COL4A1: variants seen among roughly 807,000 people sequenced by gnomAD.
The protein encoded by COL4A1 is collagen type IV alpha 1 chain.
COL4A1 carries 40 observed loss-of-function variants against 216.6 expected under a neutral mutation model. That is an observed-to-expected ratio of 0.18 (90% CI 0.14 to 0.24). The LOEUF is 0.24. Among genes scored for constraint, COL4A1 ranks in the 10% least tolerant of loss-of-function variants. The pLI, the probability that COL4A1 is intolerant of heterozygous loss-of-function variation, is 1.00. For missense variants in COL4A1, 1,628 were observed against 2,196.8 expected (o/e 0.74, Z 5.18); for synonymous variants, 839 against 810.7 (o/e 1.03, Z -0.59).
chr13:110,281,788 C>A (rs923556107), intron 1 of COL4A1, among the ~76,000 whole-genome samples: 2 of 152,188 alleles, frequency 1.3e-5, no homozygotes, highest in Non-Finnish European at 2.9e-5. Flanking sequence ...AACATCAATT[C>A]CCCTCTCACA....
chr13:110,150,143 T>C lies in COL4A1; in HGVS notation c.*220A>G, dbSNP rs1876430261. On this transcript the variant is annotated 3_prime_UTR_variant, in exon 52 of 52. Coordinates refer to ENST00000375820, the MANE Select transcript of COL4A1 (RefSeq NM_001845.6). ...ATATTTTATTTCATCAAAAGTGCCA[T>C]TTGGTATGCCACTATTGAAAGCTTA... is the stretch of plus-strand genomic sequence containing the variant. The C allele has an allele frequency of 1.7e-6, 1 of 596,748 alleles. No individual in the cohort carries two copies. The highest frequency in any genetic ancestry group is 1.9e-5 in the African/African-American group (1 of 54,020). 37.0% of individuals were successfully genotyped at this position (596,748 alleles called of 1,614,324 possible).
Position 110,274,113 on chromosome 13 carries a change from G to A in COL4A1, c.85-31379C>T, listed in dbSNP as rs148588002. Among the ~76,000 whole-genome samples, 33 of 152,072 alleles carry A rather than the reference G, an allele frequency of 2.2e-4. No individual in the cohort carries two copies. In the East Asian group the frequency reaches 6.4e-3, roughly 29 times the overall value. Reference sequence around the variant, plus strand: ...AAGATAAAATGTGCTAAGTACTAGGGGTAAACAGGGGCAAATATTAAGGCC... The same window carrying A: ...AAGATAAAATGTGCTAAGTACTAGGAGTAAACAGGGGCAAATATTAAGGCC... On this transcript the variant is annotated intron_variant, in intron 1 of 51. Transcript: ENST00000375820.
chr13:110,250,297 C>T (rs1014048084), intron 1 of COL4A1, among the ~76,000 whole-genome samples: 3 of 151,658 alleles, frequency 2.0e-5, no homozygotes, highest in East Asian at 1.9e-4. Context: ...AAGATTTGTA[C>T]ATGTGAGGTA....
rs201606177 is a variant in COL4A1, at chr13:110,192,285, C to G, written c.1466-1G>C. 25 of 1,614,030 alleles carry G rather than the reference C, an allele frequency of 1.5e-5. No homozygotes were observed. The highest frequency in any genetic ancestry group is 1.9e-5 in the Non-Finnish European group (22 of 1,180,022). On this transcript the variant is annotated splice_acceptor_variant, in intron 23 of 51. Transcript: ENST00000375820. LOFTEE classifies it high-confidence loss of function. Reference sequence around the variant, plus strand: ...TTGGCCCCTGGCTGCCCTGGGAAACCTTTCGTGAGAGAGAGGGAAAAAGAC... The same window carrying G: ...TTGGCCCCTGGCTGCCCTGGGAAACGTTTCGTGAGAGAGAGGGAAAAAGAC...
At chr13:110,152,291 C>T (rs993946366) in intron 51 of COL4A1, 43 bp downstream of exon 51, 2 of 1,612,004 alleles carry the variant, frequency 1.2e-6, no homozygotes, top group Admixed American at 1.7e-5. Flanking sequence ...AATAAAGTCA[C>T]AAAGGGGCCA....
rs189651107 is a variant in COL4A1, at chr13:110,280,838, A to T, written c.84+26106T>A. Among the ~76,000 whole-genome samples the T allele has an allele frequency of 2.1e-3, 315 of 152,290 alleles. 3 individuals are homozygous for T. Among genetic ancestry groups the T allele is most frequent in the South Asian group, 0.014 (69 of 4,822 alleles). On this transcript the variant is annotated intron_variant, in intron 1 of 51. Coordinates refer to ENST00000375820, the MANE Select transcript of COL4A1 (RefSeq NM_001845.6). The stretch of plus-strand genomic sequence containing the variant: ...AGCCTTTCTTATATTCTTTCAACGA[A>T]CACATGTTATGAAATACATCCGAGA...
chr13:110,187,780 C>T (rs1315485144), intron 24 of COL4A1, among the ~76,000 whole-genome samples: 1 of 152,180 alleles, frequency 6.6e-6, no homozygotes, highest in East Asian at 1.9e-4. Flanking sequence ...TCAGCCCCAC[C>T]GGCAGCACGC....
At chr13:110,235,007 C>A (rs545419819) in intron 2 of COL4A1, among the ~76,000 whole-genome samples, 2 of 152,260 alleles carry the variant, frequency 1.3e-5, no homozygotes, top group South Asian at 4.1e-4. Flanking sequence ...CTAAGGAACA[C>A]TTTTTAATGC....
chr13:110,295,129 C>T (rs887324711), intron 1 of COL4A1, among the ~76,000 whole-genome samples: 2 of 152,154 alleles, frequency 1.3e-5, no homozygotes, highest in African/African-American at 4.8e-5. Context: ...ATGTACAGAG[C>T]TCAGAAGACT....
At chr13:110,253,846 A>G (rs890862085) in intron 1 of COL4A1, among the ~76,000 whole-genome samples, 1 of 145,370 alleles carries the variant, frequency 6.9e-6, no homozygotes, top group Non-Finnish European at 1.5e-5. Context: ...ACGTATAATT[A>G]TACGTATATA....
At chr13:110,257,215 G>C (rs1487068213) in intron 1 of COL4A1, among the ~76,000 whole-genome samples, 1 of 152,178 alleles carries the variant, frequency 6.6e-6, no homozygotes, top group African/African-American at 2.4e-5. Context: ...CAAACATAAT[G>C]TAAATAGAAA....
chr13:110,198,614 G>T lies in COL4A1; in HGVS notation c.1138C>A (p.Gln380Lys). 6.2e-7 allele frequency: 1 copy of T among 1,614,072 alleles called. No homozygotes were observed. The highest frequency in any genetic ancestry group is 1.7e-5 in the Admixed American group (1 of 60,028). Residue 380 changes from glutamine (Q) to lysine (K), a missense_variant, in exon 21 of 52, where the codon CAG (glutamine) becomes AAG (lysine). By Grantham distance (53) the Gln-to-Lys change is moderately conservative. This residue lies in a region of COL4A1 where 701 missense variants were observed against 892.5 expected (regional missense o/e 0.79). Coordinates refer to ENST00000375820, the MANE Select transcript of COL4A1 (RefSeq NM_001845.6). Reference sequence around the variant, plus strand: ...CCAGGGAAGCCAGGGGCACCAGCCTGCCCAGGTACAGGGAGGCCTGCAACC... The same window carrying T: ...CCAGGGAAGCCAGGGGCACCAGCCTTCCCAGGTACAGGGAGGCCTGCAACC... ...PGPPGLPVPG[Q>K]AGAPGFPGER...
intron 43 of COL4A1, 25 bp downstream of exon 43, chr13:110,169,604 A>T: frequency 1.2e-6 from 2 of 1,613,684 alleles, no homozygotes; most frequent in Non-Finnish European, 1.7e-6. Flanking sequence ...CTTTAAAAAT[A>T]AAAATCTACA....
rs1594556344 is a variant in COL4A1 at position 110,182,474 on chromosome 13, G to A, written c.2095+519C>T. On this transcript the variant is annotated intron_variant, in intron 28 of 51. Coordinates refer to ENST00000375820, the MANE Select transcript of COL4A1 (RefSeq NM_001845.6). ...TGTGATGACAAGTGTGTTGATCAAG[G>A]TCTACCTGAGGGACAAGTAGACCTA... 2.0e-5 allele frequency among the ~76,000 whole-genome samples: 3 copies of A among 152,308 alleles called. No individual in the cohort carries two copies. In the South Asian group the frequency reaches 6.2e-4, roughly 32 times the overall value.
intron 26 of COL4A1, among the ~76,000 whole-genome samples, chr13:110,184,622 C>T (rs1451150045): frequency 6.6e-6 from 1 of 152,166 alleles, no homozygotes; most frequent in Admixed American, 6.5e-5. Context: ...CACACTACAC[C>T]TGGGCTTCCA....
At chr13:110,241,033 C>A (rs1881543037) in intron 2 of COL4A1, among the ~76,000 whole-genome samples, 1 of 152,042 alleles carries the variant, frequency 6.6e-6, no homozygotes, top group Admixed American at 6.5e-5. Flanking sequence ...CCACGCTGGG[C>A]TAATTTTTGT....
At position 110,208,972 on chromosome 13, in the gene COL4A1, A is replaced by G. The variant is rs79577681; in HGVS notation, c.652-82T>C. ...TTCTACAAACCTCACACAAAATGCA[A>G]TAAGATGGTAGATTTCAGGCAATAG... On this transcript the variant is annotated intron_variant, in intron 11 of 51. Transcript: ENST00000375820. The G allele has an allele frequency of 2.0e-5, 27 of 1,374,182 alleles. 1 individual carries two copies. In the East Asian group the frequency reaches 3.7e-4, roughly 19 times the overall value. The allele number at this position is 1,374,182 out of a possible 1,614,324, so 85.1% of individuals were successfully genotyped here.
chr13:110,221,513 G>T (rs1013617548), intron 2 of COL4A1, among the ~76,000 whole-genome samples: 12 of 152,126 alleles, frequency 7.9e-5, no homozygotes, highest in African/African-American at 2.7e-4. Flanking sequence ...TGTTCTAGGA[G>T]AACTGAGTGC....
At chr13:110,219,832 G>GTATA (rs1566385646) in intron 2 of COL4A1, among the ~76,000 whole-genome samples, 2 of 119,756 alleles carry the variant, frequency 1.7e-5, no homozygotes, top group Admixed American at 9.1e-5. Flanking sequence ...ATATATGTAT[G>GTATA]TATGTATATA....
Sources: gnomAD v4.1 joint callset for allele counts (sites outside exome capture counted in the v4.1 genomes callset) on GRCh38, gnomAD v4.1.1 for gene constraint, gnomAD v4.1.1 regional missense constraint, MANE v1.5 for transcripts, NCBI Gene and HGNC (gene_info 2026-07-23, HGNC 2026-07-21) for gene names.